Variants in ZNF618 observed in about 807,000 individuals in gnomAD.
The protein encoded by ZNF618 is zinc finger protein 618.
ZNF618 carries 34 observed loss-of-function variants against 103.0 expected under a neutral mutation model. The ratio of observed to expected loss-of-function variants is 0.33; its 90% CI spans 0.25 to 0.44. The LOEUF (loss-of-function observed/expected upper bound fraction) is 0.44, where lower values mean the gene tolerates loss of function less well. Ranked by LOEUF, ZNF618 falls within the 20% of genes least tolerant of loss-of-function variation. ZNF618 has a pLI of 1.00. For missense variants in ZNF618, 1,059 were observed against 1,295.4 expected (o/e 0.82, Z 2.80); for synonymous variants, 551 against 542.2 (o/e 1.02, Z -0.23).
intron 1 of ZNF618, among the ~76,000 whole-genome samples, chr9:113,932,600 G>A (rs953126680): frequency 2.0e-5 from 3 of 152,132 alleles, no homozygotes; most frequent in Non-Finnish European, 2.9e-5. Flanking sequence ...GAGAGGCTAC[G>A]TTGAATGAAT....
At chr9:113,970,496 T>C (rs1160764636) in intron 2 of ZNF618, among the ~76,000 whole-genome samples, 1 of 152,124 alleles carries the variant, frequency 6.6e-6, no homozygotes, top group African/African-American at 2.4e-5. Context: ...TGTGGCAGTT[T>C]CTCAACTCTG....
intron 1 of ZNF618, among the ~76,000 whole-genome samples, chr9:113,896,934 T>C (rs535130688): frequency 3.0e-4 from 46 of 152,148 alleles, no homozygotes; most frequent in Non-Finnish European, 5.4e-4. Context: ...TTTCCTGCTT[T>C]TACCTTTAAT....
chr9:113,961,438 C>T (rs981293079), intron 1 of ZNF618, among the ~76,000 whole-genome samples: 4 of 152,202 alleles, frequency 2.6e-5, no homozygotes, highest in South Asian at 2.1e-4. Flanking sequence ...TATCCTCCAC[C>T]GGCCAAGGCC....
chr9:113,914,177 G>T (rs1320463968), intron 1 of ZNF618, among the ~76,000 whole-genome samples: 1 of 152,080 alleles, frequency 6.6e-6, no homozygotes, highest in South Asian at 2.1e-4. Flanking sequence ...TTGCTCCCCC[G>T]GTTCTTTCTG....
chr9:113,910,640 A>G (rs972687984), intron 1 of ZNF618, among the ~76,000 whole-genome samples: 1 of 152,006 alleles, frequency 6.6e-6, no homozygotes, highest in African/African-American at 2.4e-5. Flanking sequence ...TTGTCCAATT[A>G]TCTACCAGGG....
chr9:114,008,056 G>A (rs988875193), intron 7 of ZNF618, among the ~76,000 whole-genome samples: 1 of 152,274 alleles, frequency 6.6e-6, no homozygotes, highest in South Asian at 2.1e-4. Flanking sequence ...ACCCATGATG[G>A]CAATCAGAAA....
chr9:114,048,532 T>C, intron 14 of ZNF618, 119 bp from the exon 15 acceptor site: 3 of 1,090,564 alleles, frequency 2.8e-6, no homozygotes, highest in East Asian at 2.5e-5. Flanking sequence ...CCCATGTGTG[T>C]GCAAGAGGAA....
At chr9:113,981,988 G>C (rs1043986421) in intron 2 of ZNF618, among the ~76,000 whole-genome samples, 1 of 149,330 alleles carries the variant, frequency 6.7e-6, no homozygotes, top group Non-Finnish European at 1.5e-5. Context: ...GTGAAGAACT[G>C]TCAGGTGAGA....
At chr9:114,016,622 G>T in intron 9 of ZNF618, 73 bp from the exon 10 acceptor site, 1 of 1,186,770 alleles carries the variant, frequency 8.4e-7, no homozygotes, top group South Asian at 1.3e-5. Flanking sequence ...TTTTTTGGGG[G>T]GTGGGAGCAC....
chr9:114,038,479 A>C (rs965896601), intron 13 of ZNF618, among the ~76,000 whole-genome samples: 4 of 152,208 alleles, frequency 2.6e-5, no homozygotes, highest in African/African-American at 7.2e-5. Context: ...TCGGGATTAA[A>C]GGCTTGGCTC....
At chr9:114,037,307 C>G (rs1054127813) in intron 13 of ZNF618, among the ~76,000 whole-genome samples, 1 of 152,170 alleles carries the variant, frequency 6.6e-6, no homozygotes, top group African/African-American at 2.4e-5. Context: ...CATCCTCTCT[C>G]TTTGTGGATG....
At chr9:113,921,145 C>T (rs1354103818) in intron 1 of ZNF618, among the ~76,000 whole-genome samples, 4 of 152,224 alleles carry the variant, frequency 2.6e-5, no homozygotes, top group Admixed American at 2.0e-4. Flanking sequence ...TATCTTGCAG[C>T]TTTGGCATCC....
chr9:114,031,307 C>T (rs557314162), intron 11 of ZNF618, among the ~76,000 whole-genome samples: 1 of 152,264 alleles, frequency 6.6e-6, no homozygotes, highest in South Asian at 2.1e-4. Flanking sequence ...CTGGGACTCT[C>T]AGCCCAGGCA....
chr9:114,048,386 A>G (rs1304798928), intron 14 of ZNF618, among the ~76,000 whole-genome samples: 2 of 152,214 alleles, frequency 1.3e-5, no homozygotes, highest in African/African-American at 4.8e-5. Flanking sequence ...TCAAAGATCT[A>G]GGGGAATGAC....
chr9:114,035,861 A>G (rs4979333), intron 12 of ZNF618, among the ~76,000 whole-genome samples: 105,279 of 151,890 alleles, frequency 0.69, 36,817 homozygotes, highest in African/African-American at 0.74. Flanking sequence ...CTTGGTTTTT[A>G]TTCATTCATA....
intron 1 of ZNF618, among the ~76,000 whole-genome samples, chr9:113,930,625 A>G (rs183835058): frequency 6.6e-6 from 1 of 152,352 alleles, no homozygotes; most frequent in Non-Finnish European, 1.5e-5. Flanking sequence ...TGTTGAATGA[A>G]GTAGTCAGTG....
At chr9:113,996,972 G>A (rs1403896129) in intron 3 of ZNF618, among the ~76,000 whole-genome samples, 1 of 152,180 alleles carries the variant, frequency 6.6e-6, no homozygotes, top group Non-Finnish European at 1.5e-5. Flanking sequence ...TCATCCTTGC[G>A]ACGGATGTTG....
At chr9:113,930,362 A>G (rs1047402633) in intron 1 of ZNF618, among the ~76,000 whole-genome samples, 1 of 152,260 alleles carries the variant, frequency 6.6e-6, no homozygotes, top group African/African-American at 2.4e-5. Context: ...TCATAGTCCC[A>G]GTTCTACTAC....
chr9:114,008,325 G>A lies in ZNF618; in HGVS notation c.641-19G>A, dbSNP rs774211867. 20 of 1,612,990 alleles carry A rather than the reference G, an allele frequency of 1.2e-5. No homozygotes were observed. The Admixed American group carries it at 1.7e-4, about 13-fold the overall frequency. On this transcript the variant is annotated intron_variant, in intron 7 of 14. Transcript: ENST00000374126. Reference sequence around the variant, plus strand: ...TTGTTTCTTTCCTTCTGCGGCTGCCGCCTCCTGCCCGGGCGCAGTGTTTAG... The same window carrying A: ...TTGTTTCTTTCCTTCTGCGGCTGCCACCTCCTGCCCGGGCGCAGTGTTTAG...
Sources: allele counts gnomAD v4.1 joint callset (sites outside exome capture counted in the v4.1 genomes callset), GRCh38; gene constraint gnomAD v4.1.1; transcripts MANE v1.5; gene names NCBI Gene and HGNC (gene_info 2026-07-23, HGNC 2026-07-21).